Variants in SNX29 observed in about 807,000 individuals in gnomAD.
SNX29 encodes sorting nexin 29.
SNX29 carries 78 observed loss-of-function variants against 102.1 expected under a neutral mutation model. The observed-to-expected ratio is 0.76, with a 90% CI of 0.64 to 0.92. SNX29 has a LOEUF of 0.92. SNX29 is among the 40% of genes least tolerant of loss of function. SNX29 has a pLI of 0.00. For missense variants in SNX29, 1,280 were observed against 1,061.7 expected (o/e 1.21, Z -2.86); for synonymous variants, 580 against 414.5 (o/e 1.40, Z -4.85).
intron 16 of SNX29, among the ~76,000 whole-genome samples, chr16:12,392,788 T>C (rs1251666824): frequency 1.3e-5 from 2 of 152,112 alleles, no homozygotes; most frequent in African/African-American, 2.4e-5. Flanking sequence ...CACAGAGATA[T>C]GATGCCTCTA....
intron 11 of SNX29, among the ~76,000 whole-genome samples, chr16:12,114,135 G>C (rs1249169330): frequency 6.6e-6 from 1 of 152,198 alleles, no homozygotes; most frequent in Non-Finnish European, 1.5e-5. Context: ...CTCAGTGTAG[G>C]TTCCACATAG....
intron 10 of SNX29, among the ~76,000 whole-genome samples, chr16:12,074,873 C>CT (rs1357543163): frequency 6.6e-6 from 1 of 152,074 alleles, no homozygotes; most frequent in African/African-American, 2.4e-5. Context: ...TCTTTTTATT[C>CT]TTTTTTCTCT....
chr16:12,561,658 CCT>C (rs1309985216), intron 20 of SNX29, among the ~76,000 whole-genome samples: 4 of 152,138 alleles, frequency 2.6e-5, no homozygotes, highest in African/African-American at 7.2e-5. Flanking sequence ...CTCCTGGGGC[CCT>C]CTGAGGGTGC....
chr16:12,354,458 G>A (rs1299997028), intron 15 of SNX29, among the ~76,000 whole-genome samples: 1 of 152,194 alleles, frequency 6.6e-6, no homozygotes, highest in Non-Finnish European at 1.5e-5. Flanking sequence ...GATCTGGGAC[G>A]TTTCGGTGTT....
chr16:12,327,927 G>C (rs1236131060), intron 15 of SNX29, among the ~76,000 whole-genome samples: 5 of 152,164 alleles, frequency 3.3e-5, no homozygotes. Flanking sequence ...ACCGTCCTGT[G>C]GATTTCCGCA....
intron 18 of SNX29, among the ~76,000 whole-genome samples, chr16:12,467,636 G>GTTCATTCATTCATTCATTCCATTGACTCA (rs2087121119): frequency 7.8e-6 from 1 of 128,526 alleles, no homozygotes; most frequent in Admixed American, 7.2e-5. Flanking sequence ...TCGTTCGTTC[G>GTTCATTCATTCATTCATTCCATTGACTCA]TTCATTCATT....
In SNX29 at chr16:12,070,432, G is replaced by GT. The variant is rs558301457; in HGVS notation, c.1319+1306dup. On this transcript the variant is annotated intron_variant, in intron 10 of 20. Coordinates refer to ENST00000566228, the MANE Select transcript of SNX29 (RefSeq NM_032167.5). Reference sequence around the variant, plus strand: ...TATGAGTGAGAACATGTGGTGTTTGGTTTTTTGTCCTTGCGATAGTTTACC... The same window carrying GT: ...TATGAGTGAGAACATGTGGTGTTTGGTTTTTTTGTCCTTGCGATAGTTTACC... 1.5e-3 allele frequency among the ~76,000 whole-genome samples: 222 copies of GT among 149,506 alleles called. 1 individual carries two copies. The highest frequency in any genetic ancestry group is 4.7e-3 in the African/African-American group (191 of 40,554).
Position 12,572,945 on chromosome 16 carries a change from T to A in SNX29, c.*4316T>A. On this transcript the variant is annotated 3_prime_UTR_variant, in exon 21 of 21. Transcript: ENST00000566228. ...GTGTTTCTTCAAGGCAGGCATCTGC[T>A]TATGAGCAAGGTCAAAGATTTTTCA... is the stretch of plus-strand genomic sequence containing the variant. The A allele has an allele frequency of 1.4e-6, 1 of 734,886 alleles. No homozygotes were observed. The highest frequency in any genetic ancestry group is 1.7e-6 in the Non-Finnish European group (1 of 578,148). The allele number at this position is 734,886 out of a possible 1,614,324, so 45.5% of individuals were successfully genotyped here. A position where few individuals can be genotyped will look rare whatever the true frequency, so the allele number is the denominator to read the frequency against.
chr16:12,100,428 C>T (rs1376349226), intron 11 of SNX29, among the ~76,000 whole-genome samples: 1 of 152,098 alleles, frequency 6.6e-6, no homozygotes, highest in Non-Finnish European at 1.5e-5. Flanking sequence ...TGGTTGAAAC[C>T]CGCTGCTCTA....
intron 15 of SNX29, among the ~76,000 whole-genome samples, chr16:12,339,577 G>C (rs1189684892): frequency 6.6e-6 from 1 of 152,124 alleles, no homozygotes; most frequent in Non-Finnish European, 1.5e-5. Context: ...ACCTTTGGCA[G>C]GGTTGCATCC....
chr16:12,566,497 G>A (rs1006081596), intron 20 of SNX29, among the ~76,000 whole-genome samples: 1 of 152,216 alleles, frequency 6.6e-6, no homozygotes, highest in African/African-American at 2.4e-5. Context: ...GGTGGTTGCA[G>A]GCTAAGTGGC....
intron 18 of SNX29, among the ~76,000 whole-genome samples, chr16:12,476,899 G>A (rs1457460837): frequency 6.6e-6 from 1 of 152,122 alleles, no homozygotes; most frequent in Non-Finnish European, 1.5e-5. Context: ...GATGTGTATT[G>A]ACACTCATGG....
At chr16:12,379,919 A>G (rs1441111109) in intron 16 of SNX29, among the ~76,000 whole-genome samples, 1 of 152,120 alleles carries the variant, frequency 6.6e-6, no homozygotes, top group African/African-American at 2.4e-5. Flanking sequence ...TAACTTTTCC[A>G]TATGAATATT....
At chr16:12,059,333 C>T (rs934100178) in intron 8 of SNX29, among the ~76,000 whole-genome samples, 2 of 152,208 alleles carry the variant, frequency 1.3e-5, no homozygotes, top group Non-Finnish European at 2.9e-5. Context: ...TCACCAGTGG[C>T]CAGGTCAGAG....
At chr16:12,063,948 G>A (rs1053893220) in intron 9 of SNX29, among the ~76,000 whole-genome samples, 6 of 152,114 alleles carry the variant, frequency 3.9e-5, no homozygotes, top group Admixed American at 1.3e-4. Flanking sequence ...GATGCAGGCA[G>A]GTCATCTGAG....
intron 8 of SNX29, among the ~76,000 whole-genome samples, chr16:12,055,445 G>C (rs958999333): frequency 1.3e-5 from 2 of 151,936 alleles, no homozygotes; most frequent in Non-Finnish European, 2.9e-5. Flanking sequence ...TGGCCAGGCT[G>C]GTCTCAAACT....
chr16:12,223,416 C>G (rs1291193867), intron 14 of SNX29, among the ~76,000 whole-genome samples: 2 of 152,120 alleles, frequency 1.3e-5, no homozygotes, highest in African/African-American at 4.8e-5. Flanking sequence ...AATCCCAGCA[C>G]TTTGGGAGGC....
At chr16:12,389,135 G>T (rs1442561395) in intron 16 of SNX29, among the ~76,000 whole-genome samples, 2 of 152,106 alleles carry the variant, frequency 1.3e-5, no homozygotes, top group African/African-American at 4.8e-5. Context: ...TGTAACACTA[G>T]CGCGAGCCAG....
chr16:12,355,431 G>A (rs182888545), intron 15 of SNX29, among the ~76,000 whole-genome samples: 14 of 152,232 alleles, frequency 9.2e-5, no homozygotes, highest in Admixed American at 3.3e-4. Context: ...GGTGAGTCCT[G>A]GGGCGTTGGA....
Sources: gnomAD v4.1 joint callset for allele counts (sites outside exome capture counted in the v4.1 genomes callset) on GRCh38, gnomAD v4.1.1 for gene constraint, MANE v1.5 for transcripts, NCBI Gene and HGNC (gene_info 2026-07-23, HGNC 2026-07-21) for gene names.